The following RAB11FIP2 variants were observed in gnomAD, a reference collection of about 807,000 sequenced individuals.
The protein encoded by RAB11FIP2 is rab11 family-interacting protein 2.
RAB11FIP2 carries 16 observed loss-of-function variants against 40.9 expected under a neutral mutation model. That is an observed-to-expected ratio of 0.39 (90% confidence interval 0.26 to 0.59). RAB11FIP2 has a LOEUF of 0.59. Ranked by LOEUF, RAB11FIP2 falls within the 20% of genes least tolerant of loss-of-function variation. The probability of loss-of-function intolerance (pLI) is 0.53; values close to 1 mark genes in which losing one functional copy is unlikely to be tolerated. For missense variants in RAB11FIP2, 532 were observed against 606.2 expected, an observed-to-expected ratio of 0.88 and a Z score of 1.28; for synonymous variants, 228 against 213.7, an observed-to-expected ratio of 1.07 and a Z score of -0.58.
At position 118,009,170 on chromosome 10, in the gene RAB11FIP2, A is replaced by G. The variant is rs1846128774; in HGVS notation, c.1367T>C (p.Val456Ala). 1.9e-6 allele frequency: 3 copies of G among 1,613,554 alleles called. No individual in the cohort carries two copies. The highest frequency in any genetic ancestry group is 2.5e-6 in the Non-Finnish European group (3 of 1,179,578). The change falls in exon 5 of 5, where the codon GTT (valine) becomes GCT (alanine). Residue 456 changes from valine to alanine, a missense_variant. Val to Ala is a moderately conservative substitution (Grantham distance 64). Coordinates refer to ENST00000355624, the MANE Select transcript of RAB11FIP2 (RefSeq NM_014904.3). ...TTTGTGTTTCACCAGCTCCTGTAGA[A>G]CCTCTTCATAGGTCAGACTACGATA... Reference protein sequence around the residue: ...AGYRSLTYEEVLQELVKHKEL... With the variant: ...AGYRSLTYEEALQELVKHKEL...
intron 3 of RAB11FIP2, among the ~76,000 whole-genome samples, chr10:118,038,358 T>C (rs1309562755): frequency 6.6e-6 from 1 of 151,688 alleles, no homozygotes; most frequent in Non-Finnish European, 1.5e-5. Context: ...AAACTCAAAG[T>C]TGGAAAATCC....
chr10:118,011,901 C>G (rs1846160595), intron 4 of RAB11FIP2, among the ~76,000 whole-genome samples: 1 of 151,960 alleles, frequency 6.6e-6, no homozygotes, highest in Admixed American at 6.6e-5. Flanking sequence ...ATAAAAGCAT[C>G]TATTCAAGTC....
chr10:118,022,500 T>C (rs1179552359), intron 3 of RAB11FIP2, among the ~76,000 whole-genome samples: 3 of 152,198 alleles, frequency 2.0e-5, no homozygotes, highest in Non-Finnish European at 2.9e-5. Flanking sequence ...TCCAGACTTA[T>C]TGCCCATCCC....
chr10:118,036,760 TA>T (rs1846485907), intron 3 of RAB11FIP2, among the ~76,000 whole-genome samples: 1 of 152,198 alleles, frequency 6.6e-6, no homozygotes, highest in South Asian at 2.1e-4. Context: ...GAAAAACAAC[TA>T]TTTTTTTTTA....
chr10:118,038,674 T>C (rs1846512771), intron 3 of RAB11FIP2, among the ~76,000 whole-genome samples: 1 of 152,016 alleles, frequency 6.6e-6, no homozygotes, highest in South Asian at 2.1e-4. Flanking sequence ...GGCAATTCAC[T>C]CTCGCCATGT....
At chr10:118,023,006 T>G (rs970370816) in intron 3 of RAB11FIP2, among the ~76,000 whole-genome samples, 2 of 152,344 alleles carry the variant, frequency 1.3e-5, no homozygotes, top group African/African-American at 4.8e-5. Context: ...TGTTTTTCAG[T>G]TCTTTTTAAG....
intron 1 of RAB11FIP2, 42 bp downstream of exon 1, chr10:118,045,769 G>A: frequency 6.9e-7 from 1 of 1,450,580 alleles, no homozygotes; most frequent in Non-Finnish European, 9.4e-7. Flanking sequence ...CCATAAATAA[G>A]ATATAAACTC....
At chr10:118,035,800 G>A (rs566722688) in intron 3 of RAB11FIP2, among the ~76,000 whole-genome samples, 107 of 152,036 alleles carry the variant, frequency 7.0e-4, no homozygotes, top group Non-Finnish European at 1.1e-3. Context: ...CTGCAGCACA[G>A]GGAACAACTA....
At chr10:118,021,523 C>T (rs1182244639) in intron 3 of RAB11FIP2, among the ~76,000 whole-genome samples, 1 of 152,196 alleles carries the variant, frequency 6.6e-6, no homozygotes, top group East Asian at 1.9e-4. Flanking sequence ...ATCTCTTGGA[C>T]ATTCTACCAT....
At chr10:118,020,478 G>C (rs1846270339) in intron 3 of RAB11FIP2, among the ~76,000 whole-genome samples, 1 of 152,192 alleles carries the variant, frequency 6.6e-6, no homozygotes, top group Admixed American at 6.5e-5. Context: ...CTGACCTCTG[G>C]AGAGTGTATC....
chr10:118,025,978 T>C (rs1198559664), intron 3 of RAB11FIP2, among the ~76,000 whole-genome samples: 2 of 152,230 alleles, frequency 1.3e-5, no homozygotes, highest in African/African-American at 2.4e-5. Context: ...TCTACCTGCT[T>C]ATACTTTTAA....
At chr10:118,039,976 A>G in intron 2 of RAB11FIP2, 147 bp downstream of exon 2, 3 of 659,404 alleles carry the variant, frequency 4.5e-6, no homozygotes, top group Non-Finnish European at 7.6e-6. Context: ...AATTTGAGGT[A>G]TAGTAGGTAC....
Position 118,006,863 on chromosome 10 carries a change from A to G in RAB11FIP2, c.*2135T>C, listed in dbSNP as rs1357606231. On this transcript the variant is annotated 3_prime_UTR_variant, in exon 5 of 5. Transcript: ENST00000355624. Reference sequence around the variant, plus strand: ...AAGCCTCAATAGCTTTTATATAGGAAAAGAATCGCTCCTTAAAAATCAATT... The same window carrying G: ...AAGCCTCAATAGCTTTTATATAGGAGAAGAATCGCTCCTTAAAAATCAATT... 1 of 152,490 alleles carries G rather than the reference A, an allele frequency of 6.6e-6. No individual in the cohort carries two copies. Among genetic ancestry groups the G allele is most frequent in the East Asian group, 1.9e-4 (1 of 5,182 alleles). The allele number at this position is 152,490 out of a possible 1,614,324, so 9.4% of individuals were successfully genotyped here.
Position 118,040,237 on chromosome 10 carries a change from TTGAA to T in RAB11FIP2, c.678_681del (p.His226GlnfsTer15). On this transcript the variant is annotated frameshift_variant, in exon 2 of 5. Coordinates refer to ENST00000355624, the MANE Select transcript of RAB11FIP2 (RefSeq NM_014904.3). LOFTEE classifies it high-confidence loss of function. ...ATATGGGACCCAGATAAATCAGACA[TTGAA>T]TGCGCTGACGAGAGTCGCTGAGGAC... 6.2e-7 allele frequency: 1 copy of T among 1,613,790 alleles called. No homozygotes were observed. The highest frequency in any genetic ancestry group is 8.5e-7 in the Non-Finnish European group (1 of 1,179,786).
chr10:118,021,749 A>C (rs1846285785), intron 3 of RAB11FIP2, among the ~76,000 whole-genome samples: 1 of 151,362 alleles, frequency 6.6e-6, no homozygotes, highest in South Asian at 2.1e-4. Flanking sequence ...TTTGAAACTC[A>C]CTCTTCCTGC....
At chr10:118,044,070 A>G (rs927230672) in intron 1 of RAB11FIP2, among the ~76,000 whole-genome samples, 4 of 152,240 alleles carry the variant, frequency 2.6e-5, no homozygotes, top group Admixed American at 2.0e-4. Context: ...ATTTTATATA[A>G]TAGCCAGTAG....
intron 3 of RAB11FIP2, among the ~76,000 whole-genome samples, chr10:118,015,859 C>T (rs952851395): frequency 6.6e-6 from 1 of 152,204 alleles, no homozygotes; most frequent in East Asian, 1.9e-4. Context: ...AATTTTTACC[C>T]AGCACTTAAA....
chr10:118,046,503 G>C lies in RAB11FIP2; in HGVS notation c.-340C>G, dbSNP rs948103892. The C allele has an allele frequency of 2.1e-5, 2 of 96,420 alleles. No homozygotes were observed. Among genetic ancestry groups the C allele is most frequent in the South Asian group, 7.5e-4 (2 of 2,684 alleles). The allele number at this position is 96,420 out of a possible 1,614,324, so 6.0% of individuals were successfully genotyped here. A position where few individuals can be genotyped will look rare whatever the true frequency, so the allele number is the denominator to read the frequency against. ...CACACGGACCCGGGCGGAGGGCTGCGGGGGTGAAGGGAGCCCCCGCCCCAA... is the reference window on the plus strand; with the variant it reads ...CACACGGACCCGGGCGGAGGGCTGCCGGGGTGAAGGGAGCCCCCGCCCCAA... On this transcript the variant is annotated 5_prime_UTR_variant, in exon 1 of 5. Transcript: ENST00000355624.
chr10:118,021,345 T>C (rs1415514313), intron 3 of RAB11FIP2, among the ~76,000 whole-genome samples: 1 of 152,174 alleles, frequency 6.6e-6, no homozygotes, highest in Non-Finnish European at 1.5e-5. Flanking sequence ...GGAACAGTAA[T>C]CAATAAAATC....
Sources: allele counts gnomAD v4.1 joint callset (sites outside exome capture counted in the v4.1 genomes callset), GRCh38; gene constraint gnomAD v4.1.1; transcripts MANE v1.5; gene names NCBI Gene and HGNC (gene_info 2026-07-23, HGNC 2026-07-21).